Variants in LRRC4C observed in about 807,000 individuals in gnomAD.
LRRC4C encodes the protein leucine-rich repeat-containing protein 4C.
Under a neutral mutation model 33.6 loss-of-function variants are expected in LRRC4C, and 5 were observed. That is an observed-to-expected ratio of 0.15 (90% CI 0.08 to 0.31). The LOEUF (loss-of-function observed/expected upper bound fraction) is 0.31, where lower values mean the gene tolerates loss of function less well. LRRC4C is among the 10% of genes least tolerant of loss of function. The pLI is 1.00. For synonymous variants in LRRC4C, 329 were observed against 302.0 expected (o/e 1.09, Z -0.93); for missense variants, 560 against 796.7 (o/e 0.70, Z 3.58).
chr11:40,901,999 TACACACACACA>T (rs1427823317), intron 2 of LRRC4C, among the ~76,000 whole-genome samples: 96 of 139,840 alleles, frequency 6.9e-4, no homozygotes, highest in African/African-American at 2.4e-3. Flanking sequence ...TCTCTCTCTC[TACACACACACA>T]CACACACACA....
intron 3 of LRRC4C, among the ~76,000 whole-genome samples, chr11:40,627,557 C>T (rs1024598378): frequency 1.3e-5 from 2 of 152,112 alleles, no homozygotes; most frequent in African/African-American, 4.8e-5. Flanking sequence ...AAAAGTACTT[C>T]ATGAGCTACA....
intron 2 of LRRC4C, among the ~76,000 whole-genome samples, chr11:40,842,569 T>C (rs1952959513): frequency 6.6e-6 from 1 of 152,142 alleles, no homozygotes; most frequent in South Asian, 2.1e-4. Flanking sequence ...TCTACTCTTT[T>C]AGCAAGTTTC....
intron 1 of LRRC4C, among the ~76,000 whole-genome samples, chr11:41,050,682 A>C (rs1858143436): frequency 6.6e-6 from 1 of 152,128 alleles, no homozygotes; most frequent in South Asian, 2.1e-4. Flanking sequence ...TTTTTTATCC[A>C]GTCTATCACT....
chr11:41,221,011 G>A (rs1331394429), intron 1 of LRRC4C, among the ~76,000 whole-genome samples: 2 of 151,906 alleles, frequency 1.3e-5, no homozygotes, highest in South Asian at 2.1e-4. Flanking sequence ...TTTTAAGTTC[G>A]GGGGTACAAA....
chr11:40,599,178 G>A (rs558056689), intron 3 of LRRC4C, among the ~76,000 whole-genome samples: 3 of 152,166 alleles, frequency 2.0e-5, no homozygotes, highest in African/African-American at 7.2e-5. Flanking sequence ...GTCAGGCATG[G>A]TGACTCATGT....
chr11:41,092,328 T>G (rs1295328840), intron 1 of LRRC4C, among the ~76,000 whole-genome samples: 1 of 152,168 alleles, frequency 6.6e-6, no homozygotes, highest in Non-Finnish European at 1.5e-5. Flanking sequence ...CACACCAAAT[T>G]ACTATTACTT....
chr11:40,428,330 C>T (rs111897042), intron 3 of LRRC4C, among the ~76,000 whole-genome samples: 1 of 152,106 alleles, frequency 6.6e-6, no homozygotes, highest in Non-Finnish European at 1.5e-5. Flanking sequence ...GATTTTATAA[C>T]TTTGCTAAAG....
chr11:40,684,710 AT>A (rs1359105960), intron 2 of LRRC4C, among the ~76,000 whole-genome samples: 1 of 152,058 alleles, frequency 6.6e-6, no homozygotes, highest in Non-Finnish European at 1.5e-5. Context: ...AAAAAAAGAC[AT>A]TTTAAAAAAC....
At chr11:40,195,708 T>TA (rs1252902484) in intron 5 of LRRC4C, among the ~76,000 whole-genome samples, 1 of 140,674 alleles carries the variant, frequency 7.1e-6, no homozygotes, top group African/African-American at 2.7e-5. Context: ...GTATGGCAAA[T>TA]AAAAAAATTG....
intron 3 of LRRC4C, among the ~76,000 whole-genome samples, chr11:40,587,044 G>A (rs1045642868): frequency 1.4e-3 from 206 of 151,766 alleles, no homozygotes; most frequent in African/African-American, 4.7e-3. Flanking sequence ...GGATGGCACT[G>A]AATCTATAAA....
chr11:40,924,588 G>A (rs1290249413), intron 2 of LRRC4C, among the ~76,000 whole-genome samples: 1 of 152,044 alleles, frequency 6.6e-6, no homozygotes, highest in Non-Finnish European at 1.5e-5. Context: ...TAGCACAGTA[G>A]GGTAACTACA....
At chr11:41,174,190 G>T (rs965581240) in intron 1 of LRRC4C, among the ~76,000 whole-genome samples, 2 of 152,074 alleles carry the variant, frequency 1.3e-5, no homozygotes, top group African/African-American at 4.8e-5. Context: ...GAACTCATTT[G>T]TGTATTGAGC....
At chr11:40,968,226 TTTC>T (rs1851489855) in intron 1 of LRRC4C, among the ~76,000 whole-genome samples, 1 of 152,102 alleles carries the variant, frequency 6.6e-6, no homozygotes, top group Non-Finnish European at 1.5e-5. Context: ...AAGGCCCTAA[TTTC>T]TTCAATTCTA....
intron 1 of LRRC4C, among the ~76,000 whole-genome samples, chr11:40,988,878 G>A (rs533827726): frequency 1.5e-4 from 23 of 151,490 alleles, no homozygotes; most frequent in African/African-American, 4.6e-4. Context: ...CACCACGCCC[G>A]GCTAATTCTG....
intron 1 of LRRC4C, among the ~76,000 whole-genome samples, chr11:41,343,630 C>A (rs1476562384): frequency 6.6e-6 from 1 of 152,132 alleles, no homozygotes; most frequent in East Asian, 1.9e-4. Flanking sequence ...GCTGGTCCAA[C>A]CCAGTAGGAA....
At chr11:41,161,819 T>C (rs1035905191) in intron 1 of LRRC4C, among the ~76,000 whole-genome samples, 2 of 152,208 alleles carry the variant, frequency 1.3e-5, no homozygotes, top group Non-Finnish European at 2.9e-5. Context: ...CAGTATAAAG[T>C]TGTCTAACTC....
chr11:40,891,329 T>C (rs1955698941), intron 2 of LRRC4C, among the ~76,000 whole-genome samples: 1 of 152,170 alleles, frequency 6.6e-6, no homozygotes, highest in Non-Finnish European at 1.5e-5. Context: ...GTAAACTTCA[T>C]AGGACATTTC....
intron 2 of LRRC4C, among the ~76,000 whole-genome samples, chr11:40,678,863 G>A (rs1197527007): frequency 1.3e-5 from 2 of 152,102 alleles, no homozygotes; most frequent in African/African-American, 2.4e-5. Context: ...TTGGTACTGG[G>A]TAGGGGGGTG....
intron 2 of LRRC4C, among the ~76,000 whole-genome samples, chr11:40,762,240 T>C (rs947869085): frequency 1.3e-5 from 2 of 152,192 alleles, no homozygotes; most frequent in African/African-American, 4.8e-5. Context: ...GTTTGTCATA[T>C]CTTGCAGCAT....
Sources: gnomAD v4.1 joint callset for allele counts (sites outside exome capture counted in the v4.1 genomes callset) on GRCh38, gnomAD v4.1.1 for gene constraint, MANE v1.5 for transcripts, NCBI Gene and HGNC (gene_info 2026-07-23, HGNC 2026-07-21) for gene names.